VEPH1: variants seen among roughly 807,000 people sequenced by gnomAD.
VEPH1 encodes ventricular zone expressed PH domain containing 1, also known as ventricular zone-expressed PH domain-containing protein homolog 1.
Under a neutral mutation model 85.2 loss-of-function variants are expected in VEPH1, and 80 were observed. That is an observed-to-expected ratio of 0.94 (90% confidence interval 0.78 to 1.13). The LOEUF (loss-of-function observed/expected upper bound fraction) is 1.13. Among genes scored for constraint, VEPH1 ranks in the 50% most tolerant of loss-of-function variants. The pLI is 0.00. For missense variants in VEPH1, 955 were observed against 980.5 expected, an observed-to-expected ratio of 0.97 and a Z score of 0.35; for synonymous variants, 297 against 348.0, an observed-to-expected ratio of 0.85 and a Z score of 1.63.
chr3:157,482,214 G>A (rs138218323), intron 2 of VEPH1, among the ~76,000 whole-genome samples: 1,092 of 100,280 alleles, frequency 0.011, 16 homozygotes, highest in African/African-American at 0.045. Flanking sequence ...GAAAAATGAT[G>A]TTGGTAGGTT....
Position 157,443,221 on chromosome 3 carries a change from T to C in VEPH1, c.530-14733A>G, listed in dbSNP as rs559476916. ...TGCCATGGTGCTTTCAGTTTAATGC[T>C]GTGTCTCTGTCAGATAAACTCTCAA... is the stretch of plus-strand genomic sequence containing the variant. On this transcript the variant is annotated intron_variant, in intron 4 of 13. Transcript: ENST00000362010. The C allele has an allele frequency of 4.9e-5, 21 of 431,984 alleles. No individual in the cohort carries two copies. In the East Asian group the frequency reaches 5.2e-4, roughly 11 times the overall value. The allele number at this position is 431,984 out of a possible 1,614,324, so 26.8% of individuals were successfully genotyped here.
chr3:157,419,143 A>G (rs1426788510), intron 5 of VEPH1, among the ~76,000 whole-genome samples: 1 of 152,216 alleles, frequency 6.6e-6, no homozygotes, highest in East Asian at 1.9e-4. Flanking sequence ...GAAGACTGAA[A>G]TAGGATCCCT....
At chr3:157,397,773 G>C (rs1447305850) in intron 6 of VEPH1, among the ~76,000 whole-genome samples, 5 of 152,104 alleles carry the variant, frequency 3.3e-5, no homozygotes, top group Non-Finnish European at 7.4e-5. Flanking sequence ...CCAAGTCCCT[G>C]ATCATCCAGC....
Position 157,481,057 on chromosome 3 carries a change from T to A in VEPH1, c.139-10528A>T, listed in dbSNP as rs75210582. 7.2e-3 allele frequency among the ~76,000 whole-genome samples: 1,089 copies of A among 152,262 alleles called. 17 individuals are homozygous for A. Among genetic ancestry groups the A allele is most frequent in the African/African-American group, 0.025 (1,042 of 41,562 alleles). The stretch of plus-strand genomic sequence containing the variant: ...GCATTTCTCTGATGACTGCTAAAGT[T>A]GAGCATTTTTTCATGTTTGTCAGCT... On this transcript the variant is annotated intron_variant, in intron 2 of 13. Coordinates refer to ENST00000362010, the MANE Select transcript of VEPH1 (RefSeq NM_001167912.2).
chr3:157,352,290 C>A (rs1280235693), intron 9 of VEPH1, among the ~76,000 whole-genome samples: 1 of 152,152 alleles, frequency 6.6e-6, no homozygotes, highest in Admixed American at 6.5e-5. Context: ...GATTCATTTT[C>A]TTTCTCTATG....
At chr3:157,465,627 AG>A (rs1483193894) in intron 3 of VEPH1, among the ~76,000 whole-genome samples, 1 of 152,214 alleles carries the variant, frequency 6.6e-6, no homozygotes, top group Non-Finnish European at 1.5e-5. Flanking sequence ...AGAGTTGTGA[AG>A]GAAATGCTCT....
At chr3:157,405,295 A>AC (rs1731062478) in intron 6 of VEPH1, among the ~76,000 whole-genome samples, 1 of 152,170 alleles carries the variant, frequency 6.6e-6, no homozygotes, top group South Asian at 2.1e-4. Flanking sequence ...GCAACATGTA[A>AC]CTTTTGTAAC....
rs558584050 is a variant in VEPH1 at position 157,428,733 on chromosome 3, A to G, written c.530-245T>C. Reference sequence around the variant, plus strand: ...TAACTAATGAAAAATTTTGCTAAGTAATGCACCATGGGGATAGAGGAACTT... The same window carrying G: ...TAACTAATGAAAAATTTTGCTAAGTGATGCACCATGGGGATAGAGGAACTT... On this transcript the variant is annotated intron_variant, in intron 4 of 13. Transcript: ENST00000362010. Among the ~76,000 whole-genome samples the G allele has an allele frequency of 2.6e-5, 4 of 152,334 alleles. No homozygotes were observed. The South Asian group carries it at 8.3e-4, about 32-fold the overall frequency.
At position 157,384,350 on chromosome 3, in the gene VEPH1, G is replaced by A. The variant is rs147278100; in HGVS notation, c.907-2974C>T. ...AGGGTGGTAGGAAGATACAGGAACT[G>A]AATTTTATATGCTGTTTGTCCTACT... On this transcript the variant is annotated intron_variant, in intron 6 of 13. Transcript: ENST00000362010. Among the ~76,000 whole-genome samples the A allele has an allele frequency of 1.8e-3, 271 of 152,278 alleles. 1 individual carries two copies. Among genetic ancestry groups the A allele is most frequent in the African/African-American group, 6.1e-3 (255 of 41,568 alleles).
intron 5 of VEPH1, among the ~76,000 whole-genome samples, chr3:157,424,975 G>A (rs982811529): frequency 7.9e-5 from 12 of 152,202 alleles, no homozygotes; most frequent in African/African-American, 2.9e-4. Context: ...AATTTCAGAG[G>A]TCTTCATGGC....
intron 9 of VEPH1, among the ~76,000 whole-genome samples, chr3:157,353,659 AC>A (rs1725123650): frequency 1.3e-5 from 2 of 152,030 alleles, no homozygotes; most frequent in Admixed American, 6.5e-5. Flanking sequence ...ACATACATAC[AC>A]ATATATGTAA....
At chr3:157,294,913 C>G (rs1717938308) in intron 11 of VEPH1, among the ~76,000 whole-genome samples, 1 of 152,140 alleles carries the variant, frequency 6.6e-6, no homozygotes, top group Admixed American at 6.5e-5. Flanking sequence ...GATATAGGAG[C>G]TTGGGTTGTC....
chr3:157,491,868 A>AT (rs1162351452), intron 2 of VEPH1, among the ~76,000 whole-genome samples: 3 of 152,176 alleles, frequency 2.0e-5, no homozygotes, highest in Non-Finnish European at 2.9e-5. Context: ...TGGACAACTG[A>AT]TTTTTTAAAA....
chr3:157,493,283 G>A, intron 2 of VEPH1: 1 of 456,350 alleles, frequency 2.2e-6, no homozygotes, highest in South Asian at 1.5e-5. Flanking sequence ...ATCCCTTCCT[G>A]TTCTACGTTT....
intron 4 of VEPH1, chr3:157,437,996 C>A: frequency 1.4e-6 from 2 of 1,458,360 alleles, no homozygotes; most frequent in Non-Finnish European, 1.8e-6. Flanking sequence ...GCCAGGCAAC[C>A]TTCTAGGGGA....
At chr3:157,475,332 T>G (rs1737369903) in intron 2 of VEPH1, among the ~76,000 whole-genome samples, 1 of 152,102 alleles carries the variant, frequency 6.6e-6, no homozygotes, top group Non-Finnish European at 1.5e-5. Flanking sequence ...AGTCATTAAA[T>G]ATATGTCTCT....
chr3:157,478,836 T>C (rs1053749741), intron 2 of VEPH1, among the ~76,000 whole-genome samples: 1 of 152,176 alleles, frequency 6.6e-6, no homozygotes, highest in Non-Finnish European at 1.5e-5. Flanking sequence ...GATATTACTG[T>C]GAGCCCCTTA....
At chr3:157,445,101 G>A (rs142921898) in intron 4 of VEPH1, among the ~76,000 whole-genome samples, 145 of 152,254 alleles carry the variant, frequency 9.5e-4, no homozygotes, top group African/African-American at 3.4e-3. Flanking sequence ...TGTCTGATTG[G>A]AATATGGTAA....
At chr3:157,298,992 G>A (rs965623864) in intron 11 of VEPH1, among the ~76,000 whole-genome samples, 7 of 152,048 alleles carry the variant, frequency 4.6e-5, no homozygotes, top group Non-Finnish European at 8.8e-5. Flanking sequence ...TTTTAAGGTC[G>A]AAACCAGAAT....
Sources: gnomAD v4.1 joint callset for allele counts (sites outside exome capture counted in the v4.1 genomes callset) on GRCh38, gnomAD v4.1.1 for gene constraint, MANE v1.5 for transcripts, NCBI Gene and HGNC (gene_info 2026-07-23, HGNC 2026-07-21) for gene names.